RSPO2: variants seen among roughly 807,000 people sequenced by gnomAD.
RSPO2 encodes R-spondin 2.
Under a neutral mutation model 30.9 loss-of-function variants are expected in RSPO2, and 14 were observed. The observed-to-expected ratio is 0.45, with a 90% CI of 0.30 to 0.71. The LOEUF is 0.71. Ranked by LOEUF, RSPO2 falls within the 30% of genes least tolerant of loss-of-function variation. The pLI is 0.08. For synonymous variants in RSPO2, 107 were observed against 96.4 expected (o/e 1.11, Z -0.64); for missense variants, 264 against 301.9 (o/e 0.87, Z 0.93).
chr8:108,030,432 G>A (rs1172549246), intron 2 of RSPO2, among the ~76,000 whole-genome samples: 1 of 152,160 alleles, frequency 6.6e-6, no homozygotes, highest in African/African-American at 2.4e-5. Context: ...TGGCCATGAT[G>A]GGGCTCCCCT....
intron 2 of RSPO2, among the ~76,000 whole-genome samples, chr8:108,008,602 A>C (rs11986931): frequency 0.26 from 38,911 of 152,066 alleles, 5,272 homozygotes; most frequent in Middle Eastern, 0.36. Context: ...TGATGTCATC[A>C]TATAAGTAAC....
intron 2 of RSPO2, among the ~76,000 whole-genome samples, chr8:108,081,106 G>T (rs1813179269): frequency 6.6e-6 from 1 of 152,070 alleles, no homozygotes; most frequent in Admixed American, 6.6e-5. Context: ...GTCAGAAATC[G>T]GGGGAGAGGG....
chr8:108,045,813 C>A (rs1293682642), intron 2 of RSPO2, among the ~76,000 whole-genome samples: 1 of 152,074 alleles, frequency 6.6e-6, no homozygotes, highest in Non-Finnish European at 1.5e-5. Context: ...GAACAATTTG[C>A]TAACTGTTTA....
chr8:107,971,483 T>C (rs2130471826), intron 3 of RSPO2, among the ~76,000 whole-genome samples: 1 of 152,296 alleles, frequency 6.6e-6, no homozygotes, highest in Admixed American at 6.5e-5. Context: ...TAAAGGGTAA[T>C]GGAATAGAAT....
chr8:108,082,609 G>A lies in RSPO2; in HGVS notation c.30C>T (p.Leu10=), dbSNP rs1305588414. ...TGTAATCCATGCAGTTCAGAATGAT[G>A]AGGGCAAAGGAGAAAAGGCGAAACT... MQFRLFSFA[L]IILNCMDYSH... is the part of the protein sequence containing the mutation. The change falls in exon 2 of 6, where the codon CTC becomes CTT. Residue 10 remains leucine, a synonymous_variant. Coordinates refer to ENST00000276659, the MANE Select transcript of RSPO2 (RefSeq NM_178565.5). 6.2e-7 allele frequency: 1 copy of A among 1,614,160 alleles called. No homozygotes were observed. The highest frequency in any genetic ancestry group is 8.5e-7 in the Non-Finnish European group (1 of 1,180,004).
At chr8:108,012,466 A>G (rs1345881000) in intron 2 of RSPO2, among the ~76,000 whole-genome samples, 2 of 152,230 alleles carry the variant, frequency 1.3e-5, no homozygotes, top group African/African-American at 2.4e-5. Flanking sequence ...AGTAAGGAAA[A>G]CGGATAATCT....
intron 2 of RSPO2, among the ~76,000 whole-genome samples, chr8:108,023,060 T>G (rs115567053): frequency 0.047 from 7,113 of 152,016 alleles, 238 homozygotes; most frequent in South Asian, 0.14. Flanking sequence ...GTATTACAAG[T>G]GTAACTAAAA....
intron 3 of RSPO2, among the ~76,000 whole-genome samples, chr8:107,980,717 T>C (rs74897700): frequency 0.075 from 11,371 of 152,146 alleles, 895 homozygotes; most frequent in African/African-American, 0.2. Flanking sequence ...CCCCTAACTC[T>C]TAACAGCCTC....
intron 5 of RSPO2, among the ~76,000 whole-genome samples, chr8:107,903,359 C>T (rs781022490): frequency 1.4e-4 from 22 of 152,038 alleles, no homozygotes; most frequent in Non-Finnish European, 2.8e-4. Flanking sequence ...AAGAAAGCTT[C>T]GTGTAAATTA....
intron 2 of RSPO2, among the ~76,000 whole-genome samples, chr8:108,018,277 C>T (rs1000507717): frequency 6.6e-6 from 1 of 152,140 alleles, no homozygotes; most frequent in Admixed American, 6.5e-5. Context: ...TATCATGACA[C>T]ATTCTTATAT....
At chr8:107,963,818 A>T (rs1813710603) in intron 3 of RSPO2, among the ~76,000 whole-genome samples, 1 of 152,108 alleles carries the variant, frequency 6.6e-6, no homozygotes, top group African/African-American at 2.4e-5. Flanking sequence ...AGCTCTTTTG[A>T]TTTTAACAGG....
At chr8:107,957,803 AC>A (rs1273780336) in intron 5 of RSPO2, among the ~76,000 whole-genome samples, 1 of 152,226 alleles carries the variant, frequency 6.6e-6, no homozygotes, top group Non-Finnish European at 1.5e-5. Context: ...AGAAAAAGCC[AC>A]CAAAACACAT....
intron 3 of RSPO2, among the ~76,000 whole-genome samples, chr8:107,975,250 A>G (rs1814167289): frequency 6.6e-6 from 1 of 152,226 alleles, no homozygotes; most frequent in Non-Finnish European, 1.5e-5. Flanking sequence ...ATAAATAGGA[A>G]TGCCTTCATT....
chr8:107,912,293 T>A (rs987648260), intron 5 of RSPO2, among the ~76,000 whole-genome samples: 2 of 152,166 alleles, frequency 1.3e-5, no homozygotes, highest in Non-Finnish European at 2.9e-5. Flanking sequence ...GCTTCATAGA[T>A]GACTTAGTGC....
At chr8:108,059,009 A>G (rs553032126) in intron 2 of RSPO2, among the ~76,000 whole-genome samples, 2 of 151,998 alleles carry the variant, frequency 1.3e-5, no homozygotes, top group South Asian at 4.1e-4. Context: ...GGATCTAATT[A>G]AACTCAAGAG....
chr8:108,050,850 A>G (rs563617637), intron 2 of RSPO2, among the ~76,000 whole-genome samples: 19 of 152,186 alleles, frequency 1.2e-4, no homozygotes, highest in Non-Finnish European at 2.4e-4. Flanking sequence ...AACTCCAAGG[A>G]CAAAAGAATC....
intron 2 of RSPO2, among the ~76,000 whole-genome samples, chr8:108,031,772 A>C (rs1811428846): frequency 6.6e-6 from 1 of 152,184 alleles, no homozygotes; most frequent in Non-Finnish European, 1.5e-5. Context: ...CAGGAGATGC[A>C]TCAATCTGCA....
At chr8:107,985,455 C>T (rs1454691129) in intron 3 of RSPO2, among the ~76,000 whole-genome samples, 4 of 152,058 alleles carry the variant, frequency 2.6e-5, no homozygotes, top group Non-Finnish European at 5.9e-5. Context: ...ATATTTGCAA[C>T]CGTATTTAAT....
chr8:107,992,174 T>TACACAC (rs35054419), intron 2 of RSPO2, among the ~76,000 whole-genome samples: 14,035 of 141,958 alleles, frequency 0.099, 801 homozygotes, highest in Middle Eastern at 0.16. Context: ...GAAAATGTGA[T>TACACAC]ACACACACAC....
Sources: gnomAD v4.1 joint callset for allele counts (sites outside exome capture counted in the v4.1 genomes callset) on GRCh38, gnomAD v4.1.1 for gene constraint, MANE v1.5 for transcripts, NCBI Gene and HGNC (gene_info 2026-07-23, HGNC 2026-07-21) for gene names.